The following CSNK1G1 variants were observed in gnomAD, a reference collection of about 807,000 sequenced individuals.
CSNK1G1 encodes casein kinase 1 gamma 1.
CSNK1G1 carries 22 observed loss-of-function variants against 59.6 expected under a neutral mutation model. The observed-to-expected ratio is 0.37, with a 90% CI of 0.26 to 0.53. CSNK1G1 has a LOEUF of 0.53. Among genes scored for constraint, CSNK1G1 ranks in the 20% least tolerant of loss-of-function variants. CSNK1G1 has a pLI of 0.89. For synonymous variants in CSNK1G1, 179 were observed against 177.1 expected (o/e 1.01, Z -0.08); for missense variants, 384 against 519.5 (o/e 0.74, Z 2.54).
chr15:64,209,403 G>A (rs2082223273), intron 6 of CSNK1G1, among the ~76,000 whole-genome samples: 1 of 152,092 alleles, frequency 6.6e-6, no homozygotes, highest in African/African-American at 2.4e-5. Flanking sequence ...TAGGGAATTT[G>A]CATGAAAAAG....
At chr15:64,311,935 T>C (rs1473849856) in intron 1 of CSNK1G1, among the ~76,000 whole-genome samples, 1 of 152,140 alleles carries the variant, frequency 6.6e-6, no homozygotes, top group Non-Finnish European at 1.5e-5. Flanking sequence ...ACAAAGTCAA[T>C]GTGCAAAGAT....
At chr15:64,329,955 C>T (rs1429812062) in intron 1 of CSNK1G1, among the ~76,000 whole-genome samples, 2 of 151,188 alleles carry the variant, frequency 1.3e-5, no homozygotes, top group South Asian at 4.2e-4. Context: ...GACACATACA[C>T]TCTCCCAAGA....
At chr15:64,262,602 C>A (rs995271434) in intron 2 of CSNK1G1, among the ~76,000 whole-genome samples, 6 of 152,194 alleles carry the variant, frequency 3.9e-5, no homozygotes, top group African/African-American at 1.4e-4. Context: ...CAGGTCCCCA[C>A]TCTGAGGTAT....
intron 4 of CSNK1G1, among the ~76,000 whole-genome samples, chr15:64,239,373 C>CTTTGTT (rs1270328122): frequency 4.0e-5 from 6 of 151,776 alleles, no homozygotes; most frequent in East Asian, 1.9e-4. Flanking sequence ...TGTTTTTTTT[C>CTTTGTT]TTTGTTTTTG....
intron 1 of CSNK1G1, among the ~76,000 whole-genome samples, chr15:64,310,633 C>A (rs535626180): frequency 6.6e-6 from 1 of 151,904 alleles, no homozygotes; most frequent in South Asian, 2.1e-4. Context: ...GAAAGGATCC[C>A]TTGAGCCTAG....
chr15:64,334,775 GCACTCACCTGC>G (rs923765788), intron 1 of CSNK1G1, among the ~76,000 whole-genome samples: 21 of 152,144 alleles, frequency 1.4e-4, no homozygotes, highest in South Asian at 4.2e-4. Flanking sequence ...GAAGCTTCAC[GCACTCACCTGC>G]CACTCACCTG....
chr15:64,346,246 A>T lies in CSNK1G1; in HGVS notation c.-225+9742T>A, dbSNP rs533190560. ...ATTTTTTTTAATTAAAAAATAAATT[A>T]AAAAAAAAACAATTGGTCACCCATG... On this transcript the variant is annotated intron_variant, in intron 1 of 11. Coordinates refer to ENST00000303052, the MANE Select transcript of CSNK1G1 (RefSeq NM_022048.5). Among the ~76,000 whole-genome samples, 603 of 147,510 alleles carry T rather than the reference A, an allele frequency of 4.1e-3. 5 individuals carry two copies. The highest frequency in any genetic ancestry group is 0.014 in the African/African-American group (552 of 40,400).
Position 64,180,157 on chromosome 15 carries a change from T to C in CSNK1G1, c.1214+191A>G, listed in dbSNP as rs2081792965. 11 of 563,604 alleles carry C rather than the reference T, an allele frequency of 2.0e-5. No individual in the cohort carries two copies. In the South Asian group the frequency reaches 2.4e-4, roughly 12 times the overall value. The allele number at this position is 563,604 out of a possible 1,614,324, so 34.9% of individuals were successfully genotyped here. A position where few individuals can be genotyped will look rare whatever the true frequency, so the allele number is the denominator to read the frequency against. ...GTGAACTAGAAAAATGTGACTGTCT[T>C]CCCCGAAATCACAGCTAAAGAAGGG... On this transcript the variant is annotated intron_variant, in intron 11 of 11. Transcript: ENST00000303052.
intron 4 of CSNK1G1, among the ~76,000 whole-genome samples, chr15:64,231,342 A>G (rs114727618): frequency 3.4e-5 from 5 of 147,218 alleles, no homozygotes; most frequent in Admixed American, 6.8e-5. Flanking sequence ...TATATATATT[A>G]TATATATATT....
At chr15:64,201,708 G>A (rs1458108798) in intron 10 of CSNK1G1, among the ~76,000 whole-genome samples, 5 of 51,950 alleles carry the variant, frequency 9.6e-5, no homozygotes, top group African/African-American at 5.1e-4. Context: ...CATTGGACAT[G>A]TGTGTGTGTG....
At chr15:64,205,259 G>A (rs2082161621) in intron 7 of CSNK1G1, among the ~76,000 whole-genome samples, 1 of 152,156 alleles carries the variant, frequency 6.6e-6, no homozygotes. Flanking sequence ...TTTCAAAATT[G>A]CAGAAGCTTA....
At chr15:64,221,850 T>C (rs544358947) in intron 4 of CSNK1G1, among the ~76,000 whole-genome samples, 1 of 152,152 alleles carries the variant, frequency 6.6e-6, no homozygotes, top group East Asian at 1.9e-4. Flanking sequence ...AGTTCAACCA[T>C]TGTGGAAGAC....
At chr15:64,317,332 G>A (rs1158727329) in intron 1 of CSNK1G1, among the ~76,000 whole-genome samples, 3 of 151,508 alleles carry the variant, frequency 2.0e-5, no homozygotes, top group African/African-American at 7.3e-5. Context: ...CAGGTGATCC[G>A]CCAGCCTTGG....
rs2081933630 is a variant in CSNK1G1, at chr15:64,188,898, T to G, written c.1108-8444A>C. Among the ~76,000 whole-genome samples, 1 of 152,106 alleles carries G rather than the reference T, an allele frequency of 6.6e-6. No homozygotes were observed. Among genetic ancestry groups the G allele is most frequent in the African/African-American group, 2.4e-5 (1 of 41,422 alleles). ...ATCTCAGCACTTTGGGAGGCCAAGG[T>G]GGGCGGATCACGAGGTCTGGAGTTC... On this transcript the variant is annotated intron_variant, in intron 10 of 11. Coordinates refer to ENST00000303052, the MANE Select transcript of CSNK1G1 (RefSeq NM_022048.5). The surrounding 1 kb of genome is among the most constrained non-coding windows in gnomAD (Gnocchi z 4.2).
At chr15:64,220,283 C>T (rs1433717108) in intron 4 of CSNK1G1, among the ~76,000 whole-genome samples, 1 of 151,212 alleles carries the variant, frequency 6.6e-6, no homozygotes, top group Admixed American at 6.6e-5. Flanking sequence ...TTAGTAAAGA[C>T]GAAGCTTCAT....
chr15:64,209,252 T>C (rs1484733926), intron 6 of CSNK1G1, among the ~76,000 whole-genome samples: 1 of 152,160 alleles, frequency 6.6e-6, no homozygotes, highest in Non-Finnish European at 1.5e-5. Context: ...CTGAATAAAC[T>C]ACAGAAGCAA....
At chr15:64,348,063 C>A (rs998410183) in intron 1 of CSNK1G1, among the ~76,000 whole-genome samples, 2 of 140,886 alleles carry the variant, frequency 1.4e-5, no homozygotes, top group Admixed American at 1.4e-4. Context: ...AAAAAAAAAA[C>A]AATCTTAAAA....
At chr15:64,225,600 T>G (rs2082449665) in intron 4 of CSNK1G1, among the ~76,000 whole-genome samples, 1 of 152,156 alleles carries the variant, frequency 6.6e-6, no homozygotes, top group Non-Finnish European at 1.5e-5. Context: ...CAGAAGCCCC[T>G]AAAGGTACTT....
At chr15:64,172,252 G>A (rs2081679064) in intron 11 of CSNK1G1, among the ~76,000 whole-genome samples, 1 of 152,156 alleles carries the variant, frequency 6.6e-6, no homozygotes. Context: ...AGGCATTACT[G>A]GAAGGAGGGT....
Sources: allele counts gnomAD v4.1 joint callset (sites outside exome capture counted in the v4.1 genomes callset), GRCh38; gene constraint gnomAD v4.1.1; non-coding constraint Gnocchi (gnomAD v3.1); transcripts MANE v1.5; gene names NCBI Gene and HGNC (gene_info 2026-07-23, HGNC 2026-07-21).